Variants in EEFSEC observed in about 807,000 individuals in gnomAD.
The protein encoded by EEFSEC is eukaryotic elongation factor, selenocysteine-tRNA specific.
In EEFSEC, 43 loss-of-function variants were observed where a neutral mutation model predicts 42.1. The observed-to-expected ratio is 1.02, with a 90% CI of 0.80 to 1.32. The LOEUF (loss-of-function observed/expected upper bound fraction) is 1.32, where lower values mean the gene tolerates loss of function less well. EEFSEC is among the 40% of genes most tolerant of loss of function. EEFSEC has a pLI of 0.00. For synonymous variants in EEFSEC, 354 were observed against 339.1 expected, an observed-to-expected ratio of 1.04 and a Z score of -0.48; for missense variants, 745 against 803.6, an observed-to-expected ratio of 0.93 and a Z score of 0.88.
At chr3:128,340,734 G>C (rs956844427) in intron 4 of EEFSEC, among the ~76,000 whole-genome samples, 14 of 152,202 alleles carry the variant, frequency 9.2e-5, no homozygotes, top group Non-Finnish European at 2.1e-4. Flanking sequence ...CTGGGAGTTG[G>C]GACAGGCTTT....
chr3:128,221,319 A>C (rs934843883), intron 1 of EEFSEC, among the ~76,000 whole-genome samples: 2 of 152,266 alleles, frequency 1.3e-5, no homozygotes, highest in African/African-American at 4.8e-5. Flanking sequence ...AATGGAAGCC[A>C]GTTAGTTCCA....
chr3:128,404,407 G>C (rs1301183076), intron 6 of EEFSEC, among the ~76,000 whole-genome samples: 1 of 152,262 alleles, frequency 6.6e-6, no homozygotes, highest in African/African-American at 2.4e-5. Flanking sequence ...TGTGTAACGA[G>C]AGCCATCGCG....
At chr3:128,336,711 A>C (rs978315931) in intron 4 of EEFSEC, among the ~76,000 whole-genome samples, 1 of 152,176 alleles carries the variant, frequency 6.6e-6, no homozygotes, top group Non-Finnish European at 1.5e-5. Context: ...ACTACCCACA[A>C]TGAATTAGGT....
At chr3:128,324,856 A>G (rs944703207) in intron 4 of EEFSEC, among the ~76,000 whole-genome samples, 2 of 152,206 alleles carry the variant, frequency 1.3e-5, no homozygotes, top group Non-Finnish European at 2.9e-5. Context: ...AAAATGAAAA[A>G]GAAGAAATAG....
intron 4 of EEFSEC, among the ~76,000 whole-genome samples, chr3:128,324,510 A>G (rs1298240899): frequency 3.3e-5 from 5 of 152,212 alleles, no homozygotes; most frequent in African/African-American, 2.4e-5. Context: ...AGGTGGTTCA[A>G]TGAATGCCTT....
At position 128,163,948 on chromosome 3, in the gene EEFSEC, A is replaced by C. The variant is rs540363704; in HGVS notation, c.316+10125A>C. On this transcript the variant is annotated intron_variant, in intron 1 of 6. Transcript: ENST00000254730. ...ATTGCATTTTTTTGTGAAAAAAAAA[A>C]AAAACAAAACTATTTCTATTGATTT... Among the ~76,000 whole-genome samples, 119 of 151,452 alleles carry C rather than the reference A, an allele frequency of 7.9e-4. 1 individual carries two copies. The highest frequency in any genetic ancestry group is 5.9e-3 in the South Asian group (28 of 4,774).
At chr3:128,340,239 G>A (rs74896204) in intron 4 of EEFSEC, among the ~76,000 whole-genome samples, 2,396 of 152,124 alleles carry the variant, frequency 0.016, 46 homozygotes, top group African/African-American at 0.054. Flanking sequence ...CTTATGCTAA[G>A]GTCTTAGCTC....
chr3:128,282,483 T>C lies in EEFSEC; in HGVS notation c.786+17702T>C, dbSNP rs1421126877. The stretch of plus-strand genomic sequence containing the variant: ...TGTTTTTGTTTATCAGGTAGAATTG[T>C]TCCAGCGCAATTGAAAGCAGACCCA... On this transcript the variant is annotated intron_variant, in intron 4 of 6. Coordinates refer to ENST00000254730, the MANE Select transcript of EEFSEC (RefSeq NM_021937.5). 2.0e-5 allele frequency among the ~76,000 whole-genome samples: 3 copies of C among 152,256 alleles called. No homozygotes were observed. In the East Asian group the frequency reaches 5.8e-4, roughly 29 times the overall value.
chr3:128,208,865 A>G (rs552758579), intron 1 of EEFSEC, among the ~76,000 whole-genome samples: 1 of 152,298 alleles, frequency 6.6e-6, no homozygotes, highest in Admixed American at 6.5e-5. Flanking sequence ...ACTACTTCTC[A>G]CTGAATGCTT....
At chr3:128,308,865 C>T (rs969483016) in intron 4 of EEFSEC, among the ~76,000 whole-genome samples, 5 of 152,296 alleles carry the variant, frequency 3.3e-5, no homozygotes, top group East Asian at 3.9e-4. Context: ...TGCATAGAGC[C>T]GGAGCTTTAG....
intron 1 of EEFSEC, among the ~76,000 whole-genome samples, chr3:128,176,171 G>A (rs968881618): frequency 6.6e-6 from 1 of 150,480 alleles, no homozygotes; most frequent in Non-Finnish European, 1.5e-5. Flanking sequence ...CCATTTGTCA[G>A]AAATCTTATT....
intron 5 of EEFSEC, among the ~76,000 whole-genome samples, chr3:128,357,811 G>C (rs1308525313): frequency 7.1e-6 from 1 of 141,684 alleles, no homozygotes; most frequent in East Asian, 1.9e-4. Context: ...AGGGGTGGGG[G>C]GGGCCTGCAA....
intron 1 of EEFSEC, among the ~76,000 whole-genome samples, chr3:128,185,283 A>G (rs1203191874): frequency 6.6e-6 from 1 of 152,132 alleles, no homozygotes; most frequent in Admixed American, 6.6e-5. Context: ...TTGGGGGGAT[A>G]ATTATTTTAA....
At chr3:128,265,328 T>A (rs1039905338) in intron 4 of EEFSEC, among the ~76,000 whole-genome samples, 4 of 152,200 alleles carry the variant, frequency 2.6e-5, no homozygotes, top group African/African-American at 7.2e-5. Flanking sequence ...GCCGCATTAT[T>A]CTTCTGAAGA....
intron 1 of EEFSEC, among the ~76,000 whole-genome samples, chr3:128,237,359 C>G (rs1451631861): frequency 6.6e-6 from 1 of 151,764 alleles, no homozygotes; most frequent in African/African-American, 2.4e-5. Context: ...TTTTCTCACC[C>G]TTTCTTTCAG....
chr3:128,277,483 C>T (rs530422918), intron 4 of EEFSEC, among the ~76,000 whole-genome samples: 3 of 151,956 alleles, frequency 2.0e-5, no homozygotes, highest in Admixed American at 2.0e-4. Flanking sequence ...TTTTTGTGTG[C>T]GTGTTTTAAA....
intron 6 of EEFSEC, among the ~76,000 whole-genome samples, chr3:128,362,926 T>C (rs2067545886): frequency 6.6e-6 from 1 of 152,222 alleles, no homozygotes; most frequent in Non-Finnish European, 1.5e-5. Flanking sequence ...TTGGTGATCT[T>C]TAATAACCTT....
intron 5 of EEFSEC, among the ~76,000 whole-genome samples, chr3:128,343,729 A>G (rs969438061): frequency 6.6e-6 from 1 of 152,168 alleles, no homozygotes; most frequent in African/African-American, 2.4e-5. Flanking sequence ...GTCTGTGAGG[A>G]GCAAGTAAAC....
chr3:128,365,022 C>G (rs1576674483), intron 6 of EEFSEC, among the ~76,000 whole-genome samples: 1 of 152,222 alleles, frequency 6.6e-6, no homozygotes, highest in East Asian at 1.9e-4. Context: ...TGGCTCTGCT[C>G]CCTTAGCCCT....
Sources: allele counts gnomAD v4.1 joint callset (sites outside exome capture counted in the v4.1 genomes callset), GRCh38; gene constraint gnomAD v4.1.1; transcripts MANE v1.5; gene names NCBI Gene and HGNC (gene_info 2026-07-23, HGNC 2026-07-21).